PCBP2: variants seen among roughly 807,000 people sequenced by gnomAD.
PCBP2 encodes the protein poly(rC)-binding protein 2.
PCBP2 carries 4 observed loss-of-function variants against 50.1 expected under a neutral mutation model. The observed-to-expected ratio is 0.08, with a 90% CI of 0.04 to 0.18. The LOEUF is 0.18. Ranked by LOEUF, PCBP2 falls within the 10% of genes least tolerant of loss-of-function variation. The probability of loss-of-function intolerance (pLI) is 1.00; values close to 1 mark genes in which losing one functional copy is unlikely to be tolerated. For synonymous variants in PCBP2, 179 were observed against 168.0 expected (o/e 1.07, Z -0.51); for missense variants, 161 against 474.3 (o/e 0.34, Z 6.14).
At chr12:53,473,890 G>C (rs1319708149) in intron 14 of PCBP2, among the ~76,000 whole-genome samples, 2 of 151,188 alleles carry the variant, frequency 1.3e-5, no homozygotes, top group African/African-American at 4.9e-5. Flanking sequence ...GTTGACTTCT[G>C]TATCCCTTTC....
chr12:53,468,936 T>TTTTTTTTTTTTTTTTTTTTTTA (rs11447052), intron 13 of PCBP2, 104 bp downstream of exon 13: 1 of 852,032 alleles, frequency 1.2e-6, no homozygotes, highest in African/African-American at 1.8e-5. Flanking sequence ...TTTTTTTTTT[T>TTTTTTTTTTTTTTTTTTTTTTA]AAACAGCCCA....
rs1364376184 is a variant in PCBP2, at chr12:53,454,875, C to T, written c.69+6C>T. 1 of 1,612,996 alleles carries T rather than the reference C, an allele frequency of 6.2e-7. No individual in the cohort carries two copies. The highest frequency in any genetic ancestry group is 8.5e-7 in the Non-Finnish European group (1 of 1,178,958). The stretch of plus-strand genomic sequence containing the variant: ...GGCTACTTATGCATGGAAAGGTATG[C>T]TCTAGCTTGGGAAATGGGGTCATAG... On this transcript the variant is annotated splice_donor_region_variant and intron_variant, in intron 2 of 14. Coordinates refer to ENST00000546463, the MANE Select transcript of PCBP2 (RefSeq NM_031989.5).
chr12:53,473,804 G>T (rs1942393464), intron 14 of PCBP2, among the ~76,000 whole-genome samples: 1 of 151,328 alleles, frequency 6.6e-6, no homozygotes, highest in African/African-American at 2.4e-5. Context: ...AAGTCAAGAA[G>T]GATTTTACTG....
At chr12:53,455,758 T>C (rs760272947) in intron 4 of PCBP2, 127 bp from the exon 5 acceptor site, 56 of 740,756 alleles carry the variant, frequency 7.6e-5, no homozygotes, top group Admixed American at 1.7e-4. Context: ...CAGTAGTGTT[T>C]GGAATGATGC....
intron 8 of PCBP2, chr12:53,464,460 T>C (rs1941682545): frequency 3.0e-6 from 1 of 333,396 alleles, no homozygotes; most frequent in African/African-American, 2.3e-5. Flanking sequence ...TTTGTTCCTT[T>C]GTGGCAAAGT....
chr12:53,460,048 C>T (rs967079199), intron 6 of PCBP2: 9 of 232,270 alleles, frequency 3.9e-5, no homozygotes, highest in Non-Finnish European at 8.2e-5. Context: ...TGAGCCAGCA[C>T]ACTTGCTTGC....
intron 5 of PCBP2, among the ~76,000 whole-genome samples, chr12:53,458,879 A>T (rs1941242399): frequency 6.6e-6 from 1 of 152,048 alleles, no homozygotes; most frequent in Non-Finnish European, 1.5e-5. Context: ...ACCTGAAATG[A>T]TTCACCTGCT....
At chr12:53,475,496 C>A (rs976755640) in intron 14 of PCBP2, 20 of 250,716 alleles carry the variant, frequency 8.0e-5, no homozygotes, top group Non-Finnish European at 1.5e-4. Context: ...TTCTGCCTTG[C>A]AATATAACAA....
intron 14 of PCBP2, among the ~76,000 whole-genome samples, chr12:53,477,558 C>T (rs753211009): frequency 7.6e-5 from 11 of 144,744 alleles, no homozygotes; most frequent in East Asian, 2.0e-4. Context: ...CCCAGCAACT[C>T]GGGAGGCTGA....
At chr12:53,475,276 A>T in intron 14 of PCBP2, 1 of 409,146 alleles carries the variant, frequency 2.4e-6, no homozygotes, top group Non-Finnish European at 5.0e-6. Context: ...TTCCTTTGTT[A>T]ACATTGGTGA....
intron 14 of PCBP2, among the ~76,000 whole-genome samples, chr12:53,472,758 A>G (rs780787197): frequency 1.2e-4 from 18 of 152,260 alleles, no homozygotes; most frequent in South Asian, 2.1e-4. Flanking sequence ...TATATATGCT[A>G]TGGTTATTTA....
At chr12:53,468,317 T>TA in intron 12 of PCBP2, 1 of 200,098 alleles carries the variant, frequency 5.0e-6, no homozygotes, top group Non-Finnish European at 1.0e-5. Flanking sequence ...ATTAATCTGA[T>TA]ACAGGTATAT....
At chr12:53,470,457 CAG>C (rs1565869868) in intron 13 of PCBP2, among the ~76,000 whole-genome samples, 2 of 148,538 alleles carry the variant, frequency 1.3e-5, no homozygotes, top group Non-Finnish European at 3.0e-5. Context: ...CAGGCTGGAG[CAG>C]AGAGGCATGA....
At chr12:53,467,683 T>TTTTTTG (rs549836708) in intron 11 of PCBP2, 122 bp from the exon 12 acceptor site, 22 of 829,574 alleles carry the variant, frequency 2.7e-5, no homozygotes, top group Non-Finnish European at 3.9e-5. Flanking sequence ...GTGTAGTGTT[T>TTTTTTG]TTTTTGTTTT....
At chr12:53,460,166 A>T (rs1941352083) in intron 6 of PCBP2, 1 of 219,294 alleles carries the variant, frequency 4.6e-6, no homozygotes, top group African/African-American at 2.4e-5. Flanking sequence ...TTTTTGAGAC[A>T]GGGTCTCACT....
intron 6 of PCBP2, among the ~76,000 whole-genome samples, chr12:53,459,633 A>G (rs1036539438): frequency 4.6e-5 from 7 of 152,182 alleles, no homozygotes; most frequent in African/African-American, 1.4e-4. Flanking sequence ...ATTTTCAACT[A>G]TTACATATGA....
rs1040470523 is a variant in PCBP2, at chr12:53,464,805, A to G, written c.625A>G (p.Thr209Ala). 1.9e-6 allele frequency: 3 copies of G among 1,610,600 alleles called. No individual in the cohort carries two copies. Among genetic ancestry groups the G allele is most frequent in the East Asian group, 2.2e-5 (1 of 44,504 alleles). The stretch of plus-strand genomic sequence containing the variant: ...CGACAGTGCGAGCTTTCCCCACACC[A>G]CCCCGTCCATGTGCCTCAACCCTGA... ...GSDSASFPHT[T>A]PSMCLNPDLE... Residue 209 changes from threonine to alanine, a missense_variant, in exon 9 of 15, where the codon ACC becomes GCC. Transcript: ENST00000546463.
chr12:53,478,934 G>A (rs1942857226), intron 14 of PCBP2, among the ~76,000 whole-genome samples: 1 of 151,830 alleles, frequency 6.6e-6, no homozygotes, highest in African/African-American at 2.4e-5. Flanking sequence ...TAGAACTCCA[G>A]GGCTTTAAAG....
intron 6 of PCBP2, chr12:53,459,962 T>G: frequency 2.4e-6 from 1 of 416,814 alleles, no homozygotes; most frequent in Non-Finnish European, 5.0e-6. Flanking sequence ...TTTTGCCATG[T>G]GGCCCAGGCT....
Sources: allele counts gnomAD v4.1 joint callset (sites outside exome capture counted in the v4.1 genomes callset), GRCh38; gene constraint gnomAD v4.1.1; transcripts MANE v1.5; gene names NCBI Gene and HGNC (gene_info 2026-07-23, HGNC 2026-07-21).